The following CSMD3 variants were observed in gnomAD, a reference collection of about 807,000 sequenced individuals.
CSMD3 encodes the protein CUB and sushi domain-containing protein 3.
In CSMD3, 177 loss-of-function variants were observed where a neutral mutation model predicts 435.2. The ratio of observed to expected loss-of-function variants is 0.41; its 90% CI spans 0.36 to 0.46. The LOEUF (loss-of-function observed/expected upper bound fraction) is 0.46, where lower values mean the gene tolerates loss of function less well. Among genes scored for constraint, CSMD3 ranks in the 20% least tolerant of loss-of-function variants. The pLI is 0.34. For missense variants in CSMD3, 4,265 were observed against 4,504.6 expected (o/e 0.95, Z 1.52); for synonymous variants, 1,656 against 1,520.5 (o/e 1.09, Z -2.07).
At chr8:112,746,745 G>C (rs1193473992) in intron 13 of CSMD3, among the ~76,000 whole-genome samples, 2 of 151,976 alleles carry the variant, frequency 1.3e-5, no homozygotes, top group Non-Finnish European at 2.9e-5. Flanking sequence ...GTTGCCTAAA[G>C]GCAACCCCTG....
At position 112,380,383 on chromosome 8, in the gene CSMD3, A is replaced by G. The variant is rs1829360220; in HGVS notation, c.6105T>C (p.Val2035=). The change falls in exon 38 of 71, where the codon GTT becomes GTC. Residue 2035 remains valine (V), a synonymous_variant. Transcript: ENST00000297405. ...ATTCAAGATGAAATCCTGCAGCAGAAACACTGATGTCTGATTGAAAATTTA... is the reference window on the plus strand; with the variant it reads ...ATTCAAGATGAAATCCTGCAGCAGAGACACTGATGTCTGATTGAAAATTTA... ...LYLNFQSDIS[V]SAAGFHLEYT... is the part of the protein sequence containing the mutation. 1 of 1,596,126 alleles carries G rather than the reference A, an allele frequency of 6.3e-7. No individual in the cohort carries two copies. The highest frequency in any genetic ancestry group is 1.1e-5 in the South Asian group (1 of 90,678).
intron 32 of CSMD3, among the ~76,000 whole-genome samples, chr8:112,447,319 TG>T (rs1322745057): frequency 6.6e-6 from 1 of 152,170 alleles, no homozygotes; most frequent in African/African-American, 2.4e-5. Context: ...ATGAAACTCA[TG>T]TAGCCATTAC....
At chr8:113,066,234 C>A (rs1270231396) in intron 5 of CSMD3, among the ~76,000 whole-genome samples, 8 of 151,114 alleles carry the variant, frequency 5.3e-5, no homozygotes. Flanking sequence ...TAAAATAGGT[C>A]TAAATTTGTA....
intron 45 of CSMD3, among the ~76,000 whole-genome samples, chr8:112,324,761 G>A (rs369665656): frequency 6.6e-6 from 1 of 151,982 alleles, no homozygotes; most frequent in Non-Finnish European, 1.5e-5. Flanking sequence ...TAAGTTGGAG[G>A]GGAATGTGGT....
At chr8:112,461,908 A>C (rs1168685238) in intron 32 of CSMD3, among the ~76,000 whole-genome samples, 1 of 152,158 alleles carries the variant, frequency 6.6e-6, no homozygotes, top group Non-Finnish European at 1.5e-5. Context: ...ACTTTCCCAT[A>C]CTTTAATTCT....
At chr8:112,863,044 C>G (rs747042845) in intron 10 of CSMD3, among the ~76,000 whole-genome samples, 2 of 151,948 alleles carry the variant, frequency 1.3e-5, no homozygotes, top group Non-Finnish European at 2.9e-5. Context: ...TCTTTGTACA[C>G]TTTTCCTCAT....
intron 6 of CSMD3, among the ~76,000 whole-genome samples, chr8:112,997,249 C>T (rs1310947979): frequency 6.6e-6 from 1 of 151,612 alleles, no homozygotes; most frequent in East Asian, 1.9e-4. Flanking sequence ...CTAAAAGTCA[C>T]ATTCCAGCTT....
intron 1 of CSMD3, among the ~76,000 whole-genome samples, chr8:113,366,603 G>A (rs1041324156): frequency 1.1e-4 from 16 of 152,114 alleles, no homozygotes; most frequent in Non-Finnish European, 1.8e-4. Flanking sequence ...ATTGAGAAGA[G>A]CTAATCGTTT....
intron 13 of CSMD3, among the ~76,000 whole-genome samples, chr8:112,770,499 A>T (rs2132192613): frequency 6.6e-6 from 1 of 152,104 alleles, no homozygotes; most frequent in Non-Finnish European, 1.5e-5. Context: ...TTTTTTAAAT[A>T]AAATACCCAT....
intron 3 of CSMD3, 97 bp downstream of exon 3, chr8:113,278,495 A>T: frequency 1.4e-6 from 1 of 713,504 alleles, no homozygotes; most frequent in Non-Finnish European, 2.6e-6. Flanking sequence ...TTGAGACAAC[A>T]TGATGTTGTC....
rs186598581 is a variant in CSMD3, at chr8:112,771,369, T to C, written c.1972+28793A>G. ...GCCTGGCCAATGTGGCAAAACTCTA[T>C]CTCTACTAAAATTACAAAAATTAGC... On this transcript the variant is annotated intron_variant, in intron 13 of 70. Transcript: ENST00000297405. 2.3e-3 allele frequency among the ~76,000 whole-genome samples: 345 copies of C among 151,990 alleles called. 4 individuals are homozygous for C. Among genetic ancestry groups the C allele is most frequent in the African/African-American group, 8.0e-3 (330 of 41,486 alleles).
intron 3 of CSMD3, among the ~76,000 whole-genome samples, chr8:113,225,351 T>C (rs1450022414): frequency 6.6e-6 from 1 of 151,510 alleles, no homozygotes; most frequent in Non-Finnish European, 1.5e-5. Context: ...TGTTACCTTT[T>C]AGTTTAATTT....
chr8:112,521,596 C>T (rs1824288078), intron 27 of CSMD3, among the ~76,000 whole-genome samples: 1 of 151,802 alleles, frequency 6.6e-6, no homozygotes, highest in South Asian at 2.1e-4. Flanking sequence ...GCTCTTGTCC[C>T]TTCTTTCCAC....
At chr8:112,969,643 T>G (rs1311254456) in intron 7 of CSMD3, among the ~76,000 whole-genome samples, 2 of 151,974 alleles carry the variant, frequency 1.3e-5, no homozygotes, top group Non-Finnish European at 2.9e-5. Context: ...TAAGTTAAAT[T>G]CCCATCGGGA....
chr8:113,241,430 T>A (rs559584463), intron 3 of CSMD3, among the ~76,000 whole-genome samples: 1 of 152,130 alleles, frequency 6.6e-6, no homozygotes, highest in Non-Finnish European at 1.5e-5. Context: ...TATGCCTACG[T>A]TGATCTATTT....
At chr8:112,403,679 GACCTAGTC>G (rs1410113796) in intron 35 of CSMD3, among the ~76,000 whole-genome samples, 5 of 152,022 alleles carry the variant, frequency 3.3e-5, no homozygotes, top group Non-Finnish European at 7.4e-5. Context: ...GAGCCCCCGA[GACCTAGTC>G]ACCTTCCAAA....
intron 29 of CSMD3, 113 bp downstream of exon 29, chr8:112,506,578 A>G: frequency 9.3e-7 from 1 of 1,076,514 alleles, no homozygotes; most frequent in Non-Finnish European, 1.4e-6. Context: ...GATAAGTAAA[A>G]AATAACAAAA....
At chr8:112,321,878 T>A (rs1380443059) in intron 45 of CSMD3, among the ~76,000 whole-genome samples, 1 of 152,138 alleles carries the variant, frequency 6.6e-6, no homozygotes, top group African/African-American at 2.4e-5. Flanking sequence ...AGATTTTTGA[T>A]AAAATGTTTG....
At chr8:112,225,425 T>C (rs899944458) in intron 70 of CSMD3, among the ~76,000 whole-genome samples, 1 of 151,910 alleles carries the variant, frequency 6.6e-6, no homozygotes, top group African/African-American at 2.4e-5. Context: ...TAAATTAAAA[T>C]AAATAAAACC....
Sources: gnomAD v4.1 joint callset for allele counts (sites outside exome capture counted in the v4.1 genomes callset) on GRCh38, gnomAD v4.1.1 for gene constraint, MANE v1.5 for transcripts, NCBI Gene and HGNC (gene_info 2026-07-23, HGNC 2026-07-21) for gene names.